The following GRM1 variants were observed in gnomAD, a reference collection of about 807,000 sequenced individuals.
GRM1 encodes the protein glutamate metabotropic receptor 1.
Under a neutral mutation model 90.9 loss-of-function variants are expected in GRM1, and 33 were observed. The observed-to-expected ratio is 0.36, with a 90% CI of 0.28 to 0.49. GRM1 has a LOEUF of 0.49. GRM1 is among the 20% of genes least tolerant of loss of function. The pLI is 0.99. For synonymous variants in GRM1, 700 were observed against 613.2 expected (o/e 1.14, Z -2.09); for missense variants, 1,190 against 1,534.3 (o/e 0.78, Z 3.75).
chr6:146,158,033 CA>C (rs1777581111), intron 1 of GRM1, among the ~76,000 whole-genome samples: 1 of 152,008 alleles, frequency 6.6e-6, no homozygotes, highest in Admixed American at 6.6e-5. Context: ...AATTTACTTA[CA>C]GGGGTGATGT....
chr6:146,144,310 G>A (rs1424174063), intron 1 of GRM1, among the ~76,000 whole-genome samples: 1 of 152,082 alleles, frequency 6.6e-6, no homozygotes, highest in Non-Finnish European at 1.5e-5. Flanking sequence ...CCTCCTTTTA[G>A]GCCCAATCTC....
chr6:146,115,313 A>T (rs773590693), intron 1 of GRM1, among the ~76,000 whole-genome samples: 1 of 152,028 alleles, frequency 6.6e-6, no homozygotes, highest in African/African-American at 2.4e-5. Context: ...TATAGACTTC[A>T]TATATAAAAT....
At chr6:146,302,054 T>A (rs1783404569) in intron 2 of GRM1, among the ~76,000 whole-genome samples, 1 of 151,872 alleles carries the variant, frequency 6.6e-6, no homozygotes, top group Non-Finnish European at 1.5e-5. Context: ...CCCACCCCCA[T>A]CGCATGCCAT....
chr6:146,157,181 G>C (rs1777552993), intron 1 of GRM1, among the ~76,000 whole-genome samples: 1 of 152,152 alleles, frequency 6.6e-6, no homozygotes, highest in Non-Finnish European at 1.5e-5. Context: ...AGCAGAGAAA[G>C]AAAATCCAAC....
intron 3 of GRM1, among the ~76,000 whole-genome samples, chr6:146,323,295 A>C (rs549021992): frequency 2.0e-5 from 3 of 152,172 alleles, no homozygotes; most frequent in African/African-American, 7.2e-5. Context: ...ACTGGTGTGA[A>C]ATGATATCTC....
chr6:146,329,896 G>A (rs1325500326), intron 3 of GRM1, among the ~76,000 whole-genome samples: 2 of 152,170 alleles, frequency 1.3e-5, no homozygotes, highest in Non-Finnish European at 1.5e-5. Flanking sequence ...GAATGGTTAT[G>A]TGTACTCGAA....
At position 146,435,090 on chromosome 6, in the gene GRM1, A is replaced by G; in HGVS notation, c.*294A>G. 1 of 533,394 alleles carries G rather than the reference A, an allele frequency of 1.9e-6. No homozygotes were observed. Among genetic ancestry groups the G allele is most frequent in the Non-Finnish European group, 3.4e-6 (1 of 294,878 alleles). 33.0% of individuals were successfully genotyped at this position (533,394 alleles called of 1,614,324 possible). On this transcript the variant is annotated 3_prime_UTR_variant, in exon 8 of 8. Transcript: ENST00000282753. ...TTCCATATGGTATGTAACTTTTATC[A>G]CAAATCAAATAGTGACATCACAAAC... is the stretch of plus-strand genomic sequence containing the variant.
At position 146,075,947 on chromosome 6, in the gene GRM1, C is replaced by G. The variant is rs566928961; in HGVS notation, c.700+45730C>G. 2.0e-5 allele frequency among the ~76,000 whole-genome samples: 3 copies of G among 152,280 alleles called. No homozygotes were observed. In the South Asian group the frequency reaches 6.2e-4, roughly 32 times the overall value. ...TAACTTGATTAAATCTACAGAGACCCTATGTCTAAATAAGGTCACATTCAT... is the reference window on the plus strand; with the variant it reads ...TAACTTGATTAAATCTACAGAGACCGTATGTCTAAATAAGGTCACATTCAT... On this transcript the variant is annotated intron_variant, in intron 1 of 7. Coordinates refer to ENST00000282753, the MANE Select transcript of GRM1 (RefSeq NM_001278064.2).
intron 2 of GRM1, among the ~76,000 whole-genome samples, chr6:146,221,282 G>T (rs1423315703): frequency 1.3e-5 from 2 of 152,082 alleles, no homozygotes; most frequent in African/African-American, 4.8e-5. Context: ...ATGGTGGTTT[G>T]CTGCACTCAC....
chr6:146,160,713 A>G (rs1016562964), intron 2 of GRM1, among the ~76,000 whole-genome samples: 2 of 152,156 alleles, frequency 1.3e-5, no homozygotes, highest in Non-Finnish European at 2.9e-5. Flanking sequence ...TTCTAGGAAC[A>G]CTAACTTTGC....
At chr6:146,219,359 G>A (rs1562536546) in intron 2 of GRM1, among the ~76,000 whole-genome samples, 1 of 152,170 alleles carries the variant, frequency 6.6e-6, no homozygotes, top group Non-Finnish European at 1.5e-5. Flanking sequence ...ATACTTTGGA[G>A]TCTTGGGTAG....
At chr6:146,311,787 T>C (rs988701162) in intron 3 of GRM1, among the ~76,000 whole-genome samples, 4 of 152,110 alleles carry the variant, frequency 2.6e-5, no homozygotes, top group Non-Finnish European at 4.4e-5. Context: ...AAAATACTTT[T>C]GGTTTCGTAG....
chr6:146,057,525 A>G (rs1775521707), intron 1 of GRM1, among the ~76,000 whole-genome samples: 1 of 152,162 alleles, frequency 6.6e-6, no homozygotes, highest in Admixed American at 6.6e-5. Context: ...ATTAGATATG[A>G]AAGTGCTTTG....
chr6:146,264,703 G>A (rs1262603822), intron 2 of GRM1, among the ~76,000 whole-genome samples: 1 of 151,832 alleles, frequency 6.6e-6, no homozygotes, highest in Non-Finnish European at 1.5e-5. Flanking sequence ...ACCCTCTTTT[G>A]GAGTCTCCAG....
At chr6:146,065,414 C>A (rs1775812556) in intron 1 of GRM1, among the ~76,000 whole-genome samples, 1 of 152,146 alleles carries the variant, frequency 6.6e-6, no homozygotes, top group African/African-American at 2.4e-5. Flanking sequence ...ACTTACCAGA[C>A]AAGTTCTTGA....
intron 7 of GRM1, among the ~76,000 whole-genome samples, chr6:146,417,815 A>G (rs956536168): frequency 6.6e-6 from 1 of 152,092 alleles, no homozygotes; most frequent in Non-Finnish European, 1.5e-5. Flanking sequence ...ACTTTTGGCA[A>G]GTTGTTTTCA....
chr6:146,213,090 C>T lies in GRM1; in HGVS notation c.950+53493C>T, dbSNP rs190683988. ...GTAAGAGAATATATGGGGGCACCAG[C>T]GAATTTCTAATGATTTTTTTTCTAG... On this transcript the variant is annotated intron_variant, in intron 2 of 7. Coordinates refer to ENST00000282753, the MANE Select transcript of GRM1 (RefSeq NM_001278064.2). Among the ~76,000 whole-genome samples, 281 of 151,964 alleles carry T rather than the reference C, an allele frequency of 1.8e-3. 2 individuals carry two copies. The highest frequency in any genetic ancestry group is 6.0e-3 in the African/African-American group (247 of 41,432).
chr6:146,088,776 T>A (rs1776625859), intron 1 of GRM1, among the ~76,000 whole-genome samples: 1 of 152,158 alleles, frequency 6.6e-6, no homozygotes, highest in South Asian at 2.1e-4. Flanking sequence ...CCCGTGCCTC[T>A]GGCTATAAAA....
chr6:146,159,174 A>G (rs1185069751), intron 1 of GRM1, among the ~76,000 whole-genome samples, 174 bp from the exon 2 acceptor site: 1 of 152,228 alleles, frequency 6.6e-6, no homozygotes, highest in Non-Finnish European at 1.5e-5. Flanking sequence ...TTGTCTGGTT[A>G]CATTTGATTA....
Sources: allele counts gnomAD v4.1 joint callset (sites outside exome capture counted in the v4.1 genomes callset), GRCh38; gene constraint gnomAD v4.1.1; transcripts MANE v1.5; gene names NCBI Gene and HGNC (gene_info 2026-07-23, HGNC 2026-07-21).